OTUD7A: variants seen among roughly 807,000 people sequenced by gnomAD.
OTUD7A encodes OTU domain-containing protein 7A.
Under a neutral mutation model 65.7 loss-of-function variants are expected in OTUD7A, and 12 were observed. The observed-to-expected ratio is 0.18, with a 90% confidence interval of 0.12 to 0.30. The LOEUF is 0.30. Ranked by LOEUF, OTUD7A falls within the 10% of genes least tolerant of loss-of-function variation. OTUD7A has a pLI of 1.00. For missense variants in OTUD7A, 1,148 were observed against 1,304.8 expected (o/e 0.88, Z 1.85); for synonymous variants, 641 against 586.3 (o/e 1.09, Z -1.35).
chr15:31,837,373 A>T (rs1210512816), intron 1 of OTUD7A, among the ~76,000 whole-genome samples: 2 of 2,240 alleles, frequency 8.9e-4, no homozygotes, highest in East Asian at 0.018. Context: ...CTAAAAATAC[A>T]AAAAAAAAAA....
chr15:31,659,472 A>G (rs7162377), intron 1 of OTUD7A, among the ~76,000 whole-genome samples: 46,552 of 152,134 alleles, frequency 0.31, 8,339 homozygotes, highest in African/African-American at 0.49. Flanking sequence ...AGAATCTAAG[A>G]GGGTGCAAAA....
intron 1 of OTUD7A, among the ~76,000 whole-genome samples, chr15:31,745,741 T>C (rs985106063): frequency 6.6e-5 from 10 of 151,934 alleles, no homozygotes; most frequent in Admixed American, 3.3e-4. Context: ...ATTTAGAAAA[T>C]AGACAAATCC....
chr15:31,791,438 C>G (rs1360059882), intron 1 of OTUD7A, among the ~76,000 whole-genome samples: 2 of 152,068 alleles, frequency 1.3e-5, no homozygotes, highest in Non-Finnish European at 2.9e-5. Context: ...TTCCATCATC[C>G]CACCTTCTAT....
chr15:31,533,540 A>G (rs1349605708), intron 5 of OTUD7A, among the ~76,000 whole-genome samples: 1 of 152,218 alleles, frequency 6.6e-6, no homozygotes, highest in Non-Finnish European at 1.5e-5. Flanking sequence ...CCCAGCCAAG[A>G]TAATATTTTT....
intron 3 of OTUD7A, among the ~76,000 whole-genome samples, chr15:31,581,845 C>T (rs1889381959): frequency 6.6e-6 from 1 of 152,232 alleles, no homozygotes; most frequent in Non-Finnish European, 1.5e-5. Context: ...TGTGATGCCT[C>T]ATTACTTACG....
In OTUD7A at chr15:31,487,661, G is replaced by A. The variant is rs1595552105; in HGVS notation, c.1172-95C>T. On this transcript the variant is annotated intron_variant, in intron 10 of 12. Coordinates refer to ENST00000307050, the MANE Select transcript of OTUD7A (RefSeq NM_001382637.1). The surrounding 1 kb of genome is among the most constrained non-coding windows in gnomAD (Gnocchi z 6.0). Reference sequence around the variant, plus strand: ...CAAGCCAGGTATCTGGGTGACAAATGCACCGAGTGGACATCTACACAGATC... The same window carrying A: ...CAAGCCAGGTATCTGGGTGACAAATACACCGAGTGGACATCTACACAGATC... The A allele has an allele frequency of 1.4e-5, 12 of 870,988 alleles. No individual in the cohort carries two copies. Among genetic ancestry groups the A allele is most frequent in the Admixed American group, 4.8e-5 (2 of 41,646 alleles). 54.0% of individuals were successfully genotyped at this position (870,988 alleles called of 1,614,324 possible).
At chr15:31,675,275 A>T (rs2141299743) in intron 1 of OTUD7A, among the ~76,000 whole-genome samples, 1 of 152,232 alleles carries the variant, frequency 6.6e-6, no homozygotes, top group Admixed American at 6.5e-5. Context: ...GTGGAAAGAG[A>T]TGAGTCTGTG....
intron 3 of OTUD7A, among the ~76,000 whole-genome samples, chr15:31,610,001 G>T (rs549375466): frequency 2.0e-5 from 3 of 151,592 alleles, no homozygotes; most frequent in African/African-American, 7.2e-5. Context: ...TCACAGGAAA[G>T]GGGGAGAATA....
At chr15:31,663,433 A>T (rs1667042915) in intron 1 of OTUD7A, among the ~76,000 whole-genome samples, 1 of 144,960 alleles carries the variant, frequency 6.9e-6, no homozygotes, top group South Asian at 2.3e-4. Flanking sequence ...GATGCTCACC[A>T]TCCCCCCCAC....
At chr15:31,789,393 T>G (rs533068766) in intron 1 of OTUD7A, among the ~76,000 whole-genome samples, 5 of 152,216 alleles carry the variant, frequency 3.3e-5, no homozygotes, top group African/African-American at 4.8e-5. Context: ...ACTGTAAATG[T>G]TTCTAATACT....
At chr15:31,594,459 C>T (rs1055219057) in intron 3 of OTUD7A, among the ~76,000 whole-genome samples, 3 of 152,190 alleles carry the variant, frequency 2.0e-5, no homozygotes, top group African/African-American at 7.2e-5. Flanking sequence ...AGGAAGTCCA[C>T]TCGCTTCCTT....
chr15:31,493,903 A>T (rs2041350897), intron 10 of OTUD7A, among the ~76,000 whole-genome samples: 1 of 152,246 alleles, frequency 6.6e-6, no homozygotes, highest in Admixed American at 6.5e-5. Context: ...ATTAGATGAG[A>T]AAACAGTCTC....
intron 3 of OTUD7A, among the ~76,000 whole-genome samples, chr15:31,647,043 A>T (rs562385359): frequency 1.8e-4 from 28 of 152,006 alleles, no homozygotes; most frequent in African/African-American, 6.5e-4. Flanking sequence ...GTTTATTTTT[A>T]TTTTTTTTGA....
chr15:31,627,719 T>A (rs552063244), intron 3 of OTUD7A, among the ~76,000 whole-genome samples: 1 of 152,302 alleles, frequency 6.6e-6, no homozygotes, highest in African/African-American at 2.4e-5. Flanking sequence ...AGTGTAAAAG[T>A]GTTCCTACTT....
intron 10 of OTUD7A, among the ~76,000 whole-genome samples, chr15:31,493,844 G>A (rs964768759): frequency 6.3e-5 from 9 of 143,104 alleles, no homozygotes; most frequent in Non-Finnish European, 1.1e-4. Context: ...TTTGTATGGT[G>A]TAGTTACAGC....
In OTUD7A at chr15:31,483,553, G is replaced by A; in HGVS notation, c.2543C>T (p.Ala848Val). 7 of 1,309,500 alleles carry A rather than the reference G, an allele frequency of 5.3e-6. No homozygotes were observed. The highest frequency in any genetic ancestry group is 1.9e-5 in the South Asian group (1 of 53,516). The allele number at this position is 1,309,500 out of a possible 1,614,324, so 81.1% of individuals were successfully genotyped here. ...CTGCGACTTGTGCTCGGCCGCCCCC[G>A]CCGTCCCCGCCGCGCCCGGTAGGGC... ...PGALPGAAGTAGAAEHKSQTY... is the reference protein window; with the variant it reads ...PGALPGAAGTVGAAEHKSQTY... Residue 848 changes from alanine (A) to valine (V), a missense_variant, in exon 13 of 13, where the codon GCG becomes GTG. Coordinates refer to ENST00000307050, the MANE Select transcript of OTUD7A (RefSeq NM_001382637.1).
At chr15:31,765,668 C>CTT in intron 1 of OTUD7A, 1 of 726,990 alleles carries the variant, frequency 1.4e-6, no homozygotes, top group Non-Finnish European at 2.2e-6. Context: ...GACAGACTTC[C>CTT]TTTTGAGTAG....
At chr15:31,813,430 G>T (rs987838511) in intron 1 of OTUD7A, among the ~76,000 whole-genome samples, 2 of 152,170 alleles carry the variant, frequency 1.3e-5, no homozygotes, top group African/African-American at 4.8e-5. Flanking sequence ...CTGACATGAA[G>T]AACTATTCTA....
At chr15:31,750,017 C>T (rs182056223) in intron 1 of OTUD7A, among the ~76,000 whole-genome samples, 425 of 152,234 alleles carry the variant, frequency 2.8e-3, no homozygotes, top group South Asian at 5.0e-3. Context: ...GAGGGTGAAA[C>T]ATCTCTAAAG....
Sources: allele counts gnomAD v4.1 joint callset (sites outside exome capture counted in the v4.1 genomes callset), GRCh38; gene constraint gnomAD v4.1.1; non-coding constraint Gnocchi (gnomAD v3.1); transcripts MANE v1.5; gene names NCBI Gene and HGNC (gene_info 2026-07-23, HGNC 2026-07-21).